The following RUSF1 variants were observed in gnomAD, a reference collection of about 807,000 sequenced individuals.
The protein encoded by RUSF1 is RUS1 family protein C16orf58.
In RUSF1, 58 loss-of-function variants were observed where a neutral mutation model predicts 63.0. The ratio of observed to expected loss-of-function variants is 0.92; its 90% CI spans 0.75 to 1.15. The LOEUF (loss-of-function observed/expected upper bound fraction) is 1.15. Ranked by LOEUF, RUSF1 falls within the 50% of genes most tolerant of loss-of-function variation. The pLI is 0.00. For synonymous variants in RUSF1, 274 were observed against 255.8 expected (o/e 1.07, Z -0.68); for missense variants, 652 against 611.0 (o/e 1.07, Z -0.71).
chr16:31,500,519 A>G (rs1450695302), intron 3 of RUSF1, among the ~76,000 whole-genome samples, 167 bp downstream of exon 3: 27 of 152,220 alleles, frequency 1.8e-4, no homozygotes, highest in Admixed American at 1.8e-3. Context: ...TGTTAATGGT[A>G]GCTAGTGTTT....
Position 31,508,319 on chromosome 16 carries a change from C to G in RUSF1, c.55G>C (p.Gly19Arg). The G allele has an allele frequency of 6.3e-7, 1 of 1,577,530 alleles. No homozygotes were observed. Among genetic ancestry groups the G allele is most frequent in the Non-Finnish European group, 8.6e-7 (1 of 1,166,522 alleles). Residue 19 changes from glycine to arginine, a missense_variant, in exon 1 of 13, where the codon GGG (glycine) becomes CGG (arginine). Transcript: ENST00000327237. ...GCGGCGCGGCAGCCCCGTGCCTCCC[C>G]GGAGCCGAACTGCTCGGAACACAGC... is the stretch of plus-strand genomic sequence containing the variant. Reference protein sequence around the residue: ...TPLCSEQFGSGEARGCRAAAD... With the variant: ...TPLCSEQFGSREARGCRAAAD...
intron 9 of RUSF1, 115 bp downstream of exon 9, chr16:31,493,352 G>A: frequency 7.5e-7 from 1 of 1,334,990 alleles, no homozygotes; most frequent in Non-Finnish European, 1.1e-6. Flanking sequence ...CTGTTCAGCA[G>A]CAATGAAGAA....
At chr16:31,503,065 T>C (rs969742575) in intron 2 of RUSF1, among the ~76,000 whole-genome samples, 2 of 152,244 alleles carry the variant, frequency 1.3e-5, no homozygotes, top group African/African-American at 2.4e-5. Flanking sequence ...ACAAATGATA[T>C]ATATACTCCC....
In RUSF1 at chr16:31,508,343, G is replaced by C; in HGVS notation, c.31C>G (p.Leu11Val). The part of the protein sequence containing the change: MADDAGLETP[L>V]CSEQFGSGEA... The stretch of plus-strand genomic sequence containing the variant: ...CCGGAGCCGAACTGCTCGGAACACA[G>C]CGGGGTCTCCAAACCCGCGTCGTCA... The change falls in exon 1 of 13, where the codon CTG becomes GTG. Residue 11 changes from leucine (L) to valine (V), a missense_variant. By Grantham distance (32) the Leu-to-Val change is conservative. Coordinates refer to ENST00000327237, the MANE Select transcript of RUSF1 (RefSeq NM_022744.4). 6.4e-7 allele frequency: 1 copy of C among 1,555,990 alleles called. No individual in the cohort carries two copies. The highest frequency in any genetic ancestry group is 8.6e-7 in the Non-Finnish European group (1 of 1,161,262).
Position 31,490,484 on chromosome 16 carries a change from T to C in RUSF1, c.*351A>G, listed in dbSNP as rs200935087. The C allele has an allele frequency of 5.6e-6, 9 of 1,613,890 alleles. No homozygotes were observed. The South Asian group carries it at 9.9e-5, about 18-fold the overall frequency. On this transcript the variant is annotated 3_prime_UTR_variant, in exon 13 of 13. Transcript: ENST00000327237. The stretch of plus-strand genomic sequence containing the variant: ...GCTGGGCCCGTGTGGTCAACCTCAA[T>C]GCCCTGCTCATGATGGCAGTGGCCG...
At chr16:31,499,618 A>G in intron 3 of RUSF1, 93 bp from the exon 4 acceptor site, 1 of 1,262,274 alleles carries the variant, frequency 7.9e-7, no homozygotes, top group South Asian at 1.5e-5. Context: ...TAAAGTCTGA[A>G]GAGCTCAGGA....
chr16:31,489,920 G>A lies in RUSF1; in HGVS notation c.*915C>T, dbSNP rs902896872. 5.3e-6 allele frequency: 4 copies of A among 748,228 alleles called. No individual in the cohort carries two copies. Among genetic ancestry groups the A allele is most frequent in the Admixed American group, 4.3e-5 (2 of 46,722 alleles). 46.3% of individuals were successfully genotyped at this position (748,228 alleles called of 1,614,324 possible). A position where few individuals can be genotyped will look rare whatever the true frequency, so the allele number is the denominator to read the frequency against. On this transcript the variant is annotated 3_prime_UTR_variant, in exon 13 of 13. Transcript: ENST00000327237. The stretch of plus-strand genomic sequence containing the variant: ...TTTAAACACAAGCTCAGGGGCTTGG[G>A]GTTTATCCCGAGGGCACAGGGCAGC...
rs376412380 is a variant in RUSF1 at position 31,490,793 on chromosome 16, C to T, written c.*42G>A. 115 of 1,601,096 alleles carry T rather than the reference C, an allele frequency of 7.2e-5. 2 individuals are homozygous for T. In the South Asian group the frequency reaches 9.1e-4, roughly 13 times the overall value. On this transcript the variant is annotated 3_prime_UTR_variant, in exon 13 of 13. Coordinates refer to ENST00000327237, the MANE Select transcript of RUSF1 (RefSeq NM_022744.4). ...TCCTGCTGTGGCCAAAGTGTCCTTGCTCCAGGTTCCTGCCCTGGGCTTGGG... is the reference window on the plus strand; with the variant it reads ...TCCTGCTGTGGCCAAAGTGTCCTTGTTCCAGGTTCCTGCCCTGGGCTTGGG...
intron 2 of RUSF1, among the ~76,000 whole-genome samples, chr16:31,504,070 T>C (rs959164257): frequency 1.3e-5 from 2 of 152,138 alleles, no homozygotes; most frequent in African/African-American, 4.8e-5. Flanking sequence ...GGCCAATTTT[T>C]GAGTTTTTTG....
In RUSF1 at chr16:31,493,621, T is replaced by C. The variant is rs1276549840; in HGVS notation, c.940A>G (p.Met314Val). The change falls in exon 8 of 13, where the codon ATG becomes GTG. Residue 314 changes from methionine to valine, a missense_variant. Transcript: ENST00000327237. ...GGGTCACCTGTCCACAGCGGCTCCA[T>C]GCGATTGGCTGCAGTTGGGTCGAGT... is the stretch of plus-strand genomic sequence containing the variant. ...EVLDPTAANR[M>V]EPLWTGFWPA... is the part of the protein sequence containing the mutation. The C allele has an allele frequency of 1.2e-6, 2 of 1,614,112 alleles. No homozygotes were observed. The highest frequency in any genetic ancestry group is 1.1e-5 in the South Asian group (1 of 91,086).
At chr16:31,493,436 G>A (rs764847743) in intron 9 of RUSF1, 31 bp downstream of exon 9, 2 of 1,571,702 alleles carry the variant, frequency 1.3e-6, no homozygotes, top group Admixed American at 1.9e-5. Flanking sequence ...GGGTGGCGGT[G>A]GTGACGAGCG....
rs541877483 is a variant in RUSF1 at position 31,500,592 on chromosome 16, C to T, written c.461+94G>A. 4.1e-6 allele frequency: 6 copies of T among 1,460,262 alleles called. 1 individual carries two copies. The African/African-American group carries it at 4.2e-5, about 10-fold the overall frequency. The allele number at this position is 1,460,262 out of a possible 1,614,324, so 90.5% of individuals were successfully genotyped here. A position where few individuals can be genotyped will look rare whatever the true frequency, so the allele number is the denominator to read the frequency against. On this transcript the variant is annotated intron_variant, in intron 3 of 12. Coordinates refer to ENST00000327237, the MANE Select transcript of RUSF1 (RefSeq NM_022744.4). ...CTTTGCATAGATCATCTCATGGAACCCTTACAGCCACAATTAATGGCAATA... is the reference window on the plus strand; with the variant it reads ...CTTTGCATAGATCATCTCATGGAACTCTTACAGCCACAATTAATGGCAATA...
intron 2 of RUSF1, among the ~76,000 whole-genome samples, chr16:31,507,340 A>G (rs908770049): frequency 6.6e-6 from 1 of 152,192 alleles, no homozygotes; most frequent in Admixed American, 6.5e-5. Flanking sequence ...AGCATACACA[A>G]TACCTTCCAT....
In RUSF1 at chr16:31,490,394, GC is replaced by G; in HGVS notation, c.*440del. 6.2e-7 allele frequency: 1 copy of G among 1,613,350 alleles called. No individual in the cohort carries two copies. Among genetic ancestry groups the G allele is most frequent in the Middle Eastern group, 1.7e-4 (1 of 6,024 alleles). On this transcript the variant is annotated 3_prime_UTR_variant, in exon 13 of 13. Transcript: ENST00000327237. ...GCAGAGGTGGGGTGGGCAGTCCTCC[GC>G]CCCTTACCCAGGAGGAGGCAGCGGC...
At chr16:31,504,025 T>C (rs2082645494) in intron 2 of RUSF1, among the ~76,000 whole-genome samples, 1 of 151,918 alleles carries the variant, frequency 6.6e-6, no homozygotes, top group African/African-American at 2.4e-5. Context: ...CAGTCTGTCA[T>C]CCAGGCTGGA....
At chr16:31,502,958 C>T (rs1039315692) in intron 2 of RUSF1, among the ~76,000 whole-genome samples, 2 of 152,252 alleles carry the variant, frequency 1.3e-5, no homozygotes, top group African/African-American at 2.4e-5. Context: ...CCTTTAGCTA[C>T]ACACTTGTAT....
intron 5 of RUSF1, 81 bp from the exon 6 acceptor site, chr16:31,497,031 T>C: frequency 1.7e-6 from 2 of 1,181,962 alleles, no homozygotes; most frequent in South Asian, 1.4e-5. Flanking sequence ...GGAGAAAACC[T>C]GGCCCCGGCC....
rs1028894236 is a variant in RUSF1 at position 31,500,746 on chromosome 16, G to A, written c.416-15C>T. The stretch of plus-strand genomic sequence containing the variant: ...GCCAGTTGAATCTGGGGGAAAGAAG[G>A]CACAGGTAAGGAGCAAGGAAGAGGT... On this transcript the variant is annotated splice_polypyrimidine_tract_variant and intron_variant, in intron 2 of 12. Coordinates refer to ENST00000327237, the MANE Select transcript of RUSF1 (RefSeq NM_022744.4). 1 of 1,612,114 alleles carries A rather than the reference G, an allele frequency of 6.2e-7. No individual in the cohort carries two copies. The highest frequency in any genetic ancestry group is 8.5e-7 in the Non-Finnish European group (1 of 1,178,696).
Position 31,508,345 on chromosome 16 carries a change from G to GA in RUSF1, c.28_29insT (p.Pro10LeufsTer44). On this transcript the variant is annotated frameshift_variant, in exon 1 of 13. Transcript: ENST00000327237. LOFTEE classifies it high-confidence loss of function. Reference sequence around the variant, plus strand: ...GGAGCCGAACTGCTCGGAACACAGCGGGGTCTCCAAACCCGCGTCGTCAGC... The same window carrying GA: ...GGAGCCGAACTGCTCGGAACACAGCGAGGGTCTCCAAACCCGCGTCGTCAGC... 6.4e-7 allele frequency: 1 copy of GA among 1,553,608 alleles called. No homozygotes were observed. Among genetic ancestry groups the GA allele is most frequent in the Non-Finnish European group, 8.6e-7 (1 of 1,160,380 alleles).
Sources: gnomAD v4.1 joint callset for allele counts (sites outside exome capture counted in the v4.1 genomes callset) on GRCh38, gnomAD v4.1.1 for gene constraint, MANE v1.5 for transcripts, NCBI Gene and HGNC (gene_info 2026-07-23, HGNC 2026-07-21) for gene names.